Variants in ARHGAP31 observed in about 807,000 individuals in gnomAD.
The protein encoded by ARHGAP31 is rho GTPase-activating protein 31.
ARHGAP31 carries 34 observed loss-of-function variants against 113.9 expected under a neutral mutation model. The ratio of observed to expected loss-of-function variants is 0.30; its 90% CI spans 0.23 to 0.40. ARHGAP31 has a LOEUF of 0.40. Ranked by LOEUF, ARHGAP31 falls within the 10% of genes least tolerant of loss-of-function variation. ARHGAP31 has a pLI of 1.00. For missense variants in ARHGAP31, 1,548 were observed against 1,767.1 expected, an observed-to-expected ratio of 0.88 and a Z score of 2.22; for synonymous variants, 650 against 684.8, an observed-to-expected ratio of 0.95 and a Z score of 0.79.
intron 1 of ARHGAP31, among the ~76,000 whole-genome samples, chr3:119,335,077 C>T (rs531092637): frequency 1.3e-4 from 19 of 142,954 alleles, no homozygotes; most frequent in African/African-American, 5.1e-4. Flanking sequence ...TTCATTTTCC[C>T]ATGGGAAAAA....
At position 119,419,916 on chromosome 3, in the gene ARHGAP31, A is replaced by T. The variant is rs2080808197; in HGVS notation, c.*3652A>T. The stretch of plus-strand genomic sequence containing the variant: ...GATCTCTGCAAATGAGCCAGGTAAG[A>T]TCAGTATTCCATAGTGCTTGAAAAG... On this transcript the variant is annotated 3_prime_UTR_variant, in exon 12 of 12. Coordinates refer to ENST00000264245, the MANE Select transcript of ARHGAP31 (RefSeq NM_020754.4). 1 of 152,198 alleles carries T rather than the reference A, an allele frequency of 6.6e-6. No individual in the cohort carries two copies. Among genetic ancestry groups the T allele is most frequent in the Admixed American group, 6.5e-5 (1 of 15,284 alleles). 9.4% of individuals were successfully genotyped at this position (152,198 alleles called of 1,614,324 possible). A position where few individuals can be genotyped will look rare whatever the true frequency, so the allele number is the denominator to read the frequency against.
intron 9 of ARHGAP31, 57 bp downstream of exon 9, chr3:119,399,318 A>C: frequency 8.3e-6 from 12 of 1,448,156 alleles, no homozygotes; most frequent in Non-Finnish European, 1.2e-5. Context: ...GCTGGAGCTC[A>C]CTTGCCTTTA....
chr3:119,327,605 A>T (rs1044213518), intron 1 of ARHGAP31, among the ~76,000 whole-genome samples: 22 of 151,520 alleles, frequency 1.5e-4, no homozygotes, highest in African/African-American at 3.9e-4. Flanking sequence ...CTCTTCCCCC[A>T]CCTCTCCCAC....
intron 10 of ARHGAP31, among the ~76,000 whole-genome samples, chr3:119,406,829 T>C (rs1054442864): frequency 3.9e-5 from 6 of 152,224 alleles, no homozygotes; most frequent in African/African-American, 7.2e-5. Context: ...GGAGGGATTG[T>C]TGTAAGACAC....
chr3:119,367,571 C>T (rs995176628), intron 2 of ARHGAP31, among the ~76,000 whole-genome samples: 6 of 151,960 alleles, frequency 3.9e-5, no homozygotes, highest in Admixed American at 3.9e-4. Context: ...AAAAGATAGT[C>T]GATTAGGCTG....
At chr3:119,382,445 G>T in intron 5 of ARHGAP31, 46 bp downstream of exon 5, 1 of 1,539,236 alleles carries the variant, frequency 6.5e-7, no homozygotes, top group Non-Finnish European at 9.0e-7. Context: ...GGGGCTCAGA[G>T]CAGCCCCCGA....
Position 119,402,172 on chromosome 3 carries a change from G to A in ARHGAP31, c.1420G>A (p.Glu474Lys), listed in dbSNP as rs1236375785. The change falls in exon 10 of 12, where the codon GAG becomes AAG. Residue 474 changes from glutamate to lysine, a missense_variant. Physicochemically the swap from Glu to Lys is moderately conservative, Grantham distance 56 (BLOSUM62 1). Transcript: ENST00000264245. ...CTTCACCAGCAGCCTCTTCCAGATG[G>A]AGCCCTCGCCGCGTAACCAGCGCAA... is the stretch of plus-strand genomic sequence containing the variant. ...SVFTSSLFQM[E>K]PSPRNQRKAL... is the part of the protein sequence containing the mutation. The A allele has an allele frequency of 6.2e-7, 1 of 1,614,286 alleles. No homozygotes were observed. Among genetic ancestry groups the A allele is most frequent in the Non-Finnish European group, 8.5e-7 (1 of 1,180,056 alleles).
chr3:119,307,375 T>G (rs1488701258), intron 1 of ARHGAP31, among the ~76,000 whole-genome samples: 2 of 152,216 alleles, frequency 1.3e-5, no homozygotes, highest in Non-Finnish European at 2.9e-5. Context: ...GGATTGGAAA[T>G]CTTACCGTGT....
intron 1 of ARHGAP31, among the ~76,000 whole-genome samples, chr3:119,301,801 C>G (rs2079587105): frequency 6.6e-6 from 1 of 152,200 alleles, no homozygotes. Flanking sequence ...CCTCCCTTGC[C>G]ATTAGCTAAG....
intron 6 of ARHGAP31, among the ~76,000 whole-genome samples, chr3:119,390,411 C>T (rs934783462): frequency 1.3e-5 from 2 of 152,198 alleles, no homozygotes; most frequent in Admixed American, 1.3e-4. Flanking sequence ...CAGACATATT[C>T]CCATCTGGCC....
At chr3:119,398,854 T>C (rs1381213176) in intron 8 of ARHGAP31, among the ~76,000 whole-genome samples, 1 of 152,208 alleles carries the variant, frequency 6.6e-6, no homozygotes. Flanking sequence ...CCCTGGAGCC[T>C]CATGGATTCT....
chr3:119,412,406 A>G (rs1559997693), intron 11 of ARHGAP31, among the ~76,000 whole-genome samples: 1 of 149,000 alleles, frequency 6.7e-6, no homozygotes, highest in Non-Finnish European at 1.5e-5. Flanking sequence ...AAAAAAAAAG[A>G]AAAGAAAGAA....
rs1298308771 is a variant in ARHGAP31 at position 119,391,041 on chromosome 3, G to A, written c.881+58G>A. On this transcript the variant is annotated intron_variant, in intron 7 of 11. Coordinates refer to ENST00000264245, the MANE Select transcript of ARHGAP31 (RefSeq NM_020754.4). ...ATGTGTGGTTGAAGAGGAAAGAGGA[G>A]GAGAGGTATACAGTCTCAGGACCAA... is the stretch of plus-strand genomic sequence containing the variant. 1.5e-5 allele frequency: 24 copies of A among 1,579,314 alleles called. No homozygotes were observed. In the East Asian group the frequency reaches 4.7e-4, roughly 31 times the overall value.
chr3:119,410,810 C>G (rs1327970066), intron 11 of ARHGAP31, among the ~76,000 whole-genome samples: 10 of 152,228 alleles, frequency 6.6e-5, no homozygotes, highest in Admixed American at 6.5e-4. Flanking sequence ...AAGGCTTTAA[C>G]CATCCCTGCC....
intron 6 of ARHGAP31, among the ~76,000 whole-genome samples, chr3:119,385,955 T>C (rs1279395753): frequency 6.6e-6 from 1 of 152,274 alleles, no homozygotes; most frequent in Admixed American, 6.5e-5. Context: ...ATGTTAAGGC[T>C]GTTCCTAATT....
At chr3:119,300,029 A>G (rs1338845573) in intron 1 of ARHGAP31, among the ~76,000 whole-genome samples, 2 of 152,122 alleles carry the variant, frequency 1.3e-5, no homozygotes, top group African/African-American at 4.8e-5. Flanking sequence ...GAAACCTCCG[A>G]TCCTCCTGAG....
intron 1 of ARHGAP31, among the ~76,000 whole-genome samples, chr3:119,364,092 G>A (rs911094119): frequency 5.3e-5 from 8 of 152,144 alleles, no homozygotes; most frequent in South Asian, 4.2e-4. Context: ...AAAGTCAGCC[G>A]CCCGGAGAGA....
chr3:119,402,709 A>T (rs1022412773), intron 10 of ARHGAP31, among the ~76,000 whole-genome samples: 1 of 152,252 alleles, frequency 6.6e-6, no homozygotes, highest in Non-Finnish European at 1.5e-5. Context: ...TACAATAAGT[A>T]TATAATAAAT....
intron 1 of ARHGAP31, among the ~76,000 whole-genome samples, chr3:119,357,173 G>C (rs1488540306): frequency 6.6e-6 from 1 of 152,212 alleles, no homozygotes; most frequent in Non-Finnish European, 1.5e-5. Flanking sequence ...ACAAAGGGAG[G>C]AGGCACAGGA....
Sources: allele counts gnomAD v4.1 joint callset (sites outside exome capture counted in the v4.1 genomes callset), GRCh38; gene constraint gnomAD v4.1.1; transcripts MANE v1.5; gene names NCBI Gene and HGNC (gene_info 2026-07-23, HGNC 2026-07-21).